The following CCDC137 variants were observed in gnomAD, a reference collection of about 807,000 sequenced individuals.
CCDC137 encodes coiled-coil domain containing 137.
A neutral mutation model predicts 30.4 loss-of-function variants in CCDC137; 24 were observed. The observed-to-expected ratio is 0.79, with a 90% CI of 0.57 to 1.11. CCDC137 has a LOEUF of 1.11. Among genes scored for constraint, CCDC137 ranks in the 50% least tolerant of loss-of-function variants. The probability of loss-of-function intolerance (pLI) is 0.00; values close to 1 mark genes in which losing one functional copy is unlikely to be tolerated. For missense variants in CCDC137, 417 were observed against 380.4 expected, an observed-to-expected ratio of 1.10 and a Z score of -0.80; for synonymous variants, 182 against 155.7, an observed-to-expected ratio of 1.17 and a Z score of -1.26.
At position 81,672,828 on chromosome 17, in the gene CCDC137, A is replaced by G; in HGVS notation, c.*124A>G. On this transcript the variant is annotated 3_prime_UTR_variant, in exon 6 of 6. Coordinates refer to ENST00000329214, the MANE Select transcript of CCDC137 (RefSeq NM_199287.3). ...GTGAGGCCTCCAGCTACTTGTTCAC[A>G]CGTTGGGCACTAGTGGGTCCACATC... The G allele has an allele frequency of 1.1e-6, 1 of 900,006 alleles. No homozygotes were observed. Among genetic ancestry groups the G allele is most frequent in the Admixed American group, 2.8e-5 (1 of 36,284 alleles). 55.8% of individuals were successfully genotyped at this position (900,006 alleles called of 1,614,324 possible).
intron 1 of CCDC137, among the ~76,000 whole-genome samples, chr17:81,667,319 C>CT (rs913039751): frequency 0.014 from 1,711 of 125,628 alleles, 32 homozygotes; most frequent in South Asian, 0.033. Context: ...TAGATAGATT[C>CT]TTTTTTTTTT....
rs201831605 is a variant in CCDC137, at chr17:81,670,454, G to A, written c.497+1G>A. On this transcript the variant is annotated splice_donor_variant, in intron 3 of 5. Transcript: ENST00000329214. LOFTEE classifies it high-confidence loss of function. ...CTGAGCAGAAAAAAGCAAAAAAAGC[G>A]TGAGTGGAGGCGGGAGGGGGAGGGG... 6.4e-5 allele frequency: 103 copies of A among 1,611,304 alleles called. No individual in the cohort carries two copies. The highest frequency in any genetic ancestry group is 7.7e-5 in the Non-Finnish European group (91 of 1,179,170).
At chr17:81,667,684 G>A in intron 1 of CCDC137, 45 bp from the exon 2 acceptor site, 1 of 1,606,700 alleles carries the variant, frequency 6.2e-7, no homozygotes, top group East Asian at 2.2e-5. Flanking sequence ...GATTCTGCTT[G>A]TGCTTTACTT....
At chr17:81,668,183 G>C (rs1456452543) in intron 2 of CCDC137, among the ~76,000 whole-genome samples, 3 of 152,150 alleles carry the variant, frequency 2.0e-5, no homozygotes. Flanking sequence ...GCCAATTCAT[G>C]TTTACTCTAA....
At position 81,673,129 on chromosome 17, in the gene CCDC137, C is replaced by T. The variant is rs999991453; in HGVS notation, c.*425C>T. 9 of 196,552 alleles carry T rather than the reference C, an allele frequency of 4.6e-5. No homozygotes were observed. The highest frequency in any genetic ancestry group is 6.3e-5 in the Non-Finnish European group (6 of 94,638). The allele number at this position is 196,552 out of a possible 1,614,324, so 12.2% of individuals were successfully genotyped here. ...CAGAGCAGGCCACGGGCAGGGACGA[C>T]GCATCGGGACAGGGCTCTGCAGGGG... On this transcript the variant is annotated 3_prime_UTR_variant, in exon 6 of 6. Coordinates refer to ENST00000329214, the MANE Select transcript of CCDC137 (RefSeq NM_199287.3).
At chr17:81,668,219 A>G (rs2036672326) in intron 2 of CCDC137, among the ~76,000 whole-genome samples, 2 of 152,164 alleles carry the variant, frequency 1.3e-5, no homozygotes, top group Admixed American at 1.3e-4. Context: ...CCGAGCGATG[A>G]TGGAGTGAGG....
At chr17:81,668,027 G>C (rs2036667856) in intron 2 of CCDC137, among the ~76,000 whole-genome samples, 165 bp downstream of exon 2, 1 of 152,220 alleles carries the variant, frequency 6.6e-6, no homozygotes, top group Non-Finnish European at 1.5e-5. Context: ...GCAGCTGGTG[G>C]CGCTGTGGTT....
At chr17:81,670,051 C>T (rs889642285) in intron 2 of CCDC137, 174 bp from the exon 3 acceptor site, 7 of 604,108 alleles carry the variant, frequency 1.2e-5, no homozygotes, top group Non-Finnish European at 1.8e-5. Flanking sequence ...TGGGGGGTCA[C>T]GTCCCCGGGG....
In CCDC137 at chr17:81,673,799, C is replaced by T. The variant is rs1215846153; in HGVS notation, c.*1095C>T. ...AGTGAGGAGCGCCTCTGCCCGGCCGCTGTGCAACCTTCCAAGTGTGAAGTG... is the reference window on the plus strand; with the variant it reads ...AGTGAGGAGCGCCTCTGCCCGGCCGTTGTGCAACCTTCCAAGTGTGAAGTG... On this transcript the variant is annotated 3_prime_UTR_variant, in exon 6 of 6. Transcript: ENST00000329214. 1 of 152,296 alleles carries T rather than the reference C, an allele frequency of 6.6e-6. No individual in the cohort carries two copies. The allele number at this position is 152,296 out of a possible 1,614,324, so 9.4% of individuals were successfully genotyped here. A position where few individuals can be genotyped will look rare whatever the true frequency, so the allele number is the denominator to read the frequency against.
intron 5 of CCDC137, 125 bp from the exon 6 acceptor site, chr17:81,672,370 G>C: frequency 1.0e-6 from 1 of 996,982 alleles, no homozygotes. Flanking sequence ...CAACGTGTGC[G>C]CTGTCTGGTG....
chr17:81,671,772 C>G lies in CCDC137; in HGVS notation c.526C>G (p.Arg176Gly), dbSNP rs781772780. 1 of 1,612,298 alleles carries G rather than the reference C, an allele frequency of 6.2e-7. No individual in the cohort carries two copies. Among genetic ancestry groups the G allele is most frequent in the South Asian group, 1.1e-5 (1 of 90,964 alleles). ...CCAGAAGCGGCGACTAGATAAAGTC[C>G]GACGGAAAAAGGAGGAAAAGGCGGC... is the stretch of plus-strand genomic sequence containing the variant. ...AFQKRRLDKV[R>G]RKKEEKAADR... Residue 176 changes from arginine to glycine, a missense_variant, in exon 4 of 6, where the codon CGA (arginine) becomes GGA (glycine). By Grantham distance (125) the Arg-to-Gly change is moderately radical. Coordinates refer to ENST00000329214, the MANE Select transcript of CCDC137 (RefSeq NM_199287.3).
chr17:81,671,667 G>A, intron 3 of CCDC137, 77 bp from the exon 4 acceptor site: 1 of 1,443,242 alleles, frequency 6.9e-7, no homozygotes, highest in Non-Finnish European at 9.7e-7. Flanking sequence ...GATCCCTTGT[G>A]GGTGGGGCGG....
At chr17:81,672,002 G>A (rs1210300642) in intron 4 of CCDC137, 74 bp from the exon 5 acceptor site, 1 of 1,549,846 alleles carries the variant, frequency 6.5e-7, no homozygotes, top group African/African-American at 1.4e-5. Flanking sequence ...AGGGAGGTGG[G>A]CGGGTGGTGG....
intron 3 of CCDC137, among the ~76,000 whole-genome samples, chr17:81,670,710 A>G (rs547699288): frequency 5.2e-4 from 79 of 152,212 alleles, no homozygotes; most frequent in Non-Finnish European, 9.3e-4. Context: ...CAGGAAAAGC[A>G]CCAGAAAGCC....
chr17:81,672,771 A>G lies in CCDC137; in HGVS notation c.*67A>G. ...GCACCAGGAGCTGCTACACCTGGGT[A>G]GGAGAGAGGCAGGCCATGCCAGCAG... On this transcript the variant is annotated 3_prime_UTR_variant, in exon 6 of 6. Transcript: ENST00000329214. The G allele has an allele frequency of 7.1e-7, 1 of 1,418,416 alleles. No homozygotes were observed. Among genetic ancestry groups the G allele is most frequent in the Non-Finnish European group, 9.5e-7 (1 of 1,055,154 alleles). 87.9% of individuals were successfully genotyped at this position (1,418,416 alleles called of 1,614,324 possible).
chr17:81,668,038 C>T (rs1050487886), intron 2 of CCDC137, among the ~76,000 whole-genome samples, 176 bp downstream of exon 2: 4 of 152,132 alleles, frequency 2.6e-5, no homozygotes, highest in African/African-American at 7.2e-5. Flanking sequence ...CGCTGTGGTT[C>T]CAGACGAGGC....
intron 5 of CCDC137, 35 bp from the exon 6 acceptor site, chr17:81,672,460 C>G: frequency 6.5e-7 from 1 of 1,538,728 alleles, no homozygotes; most frequent in Non-Finnish European, 8.8e-7. Flanking sequence ...CCCTCCTTTC[C>G]CAGCCTGTGC....
chr17:81,668,590 A>C (rs1179998544), intron 2 of CCDC137, among the ~76,000 whole-genome samples: 1 of 152,222 alleles, frequency 6.6e-6, no homozygotes, highest in Non-Finnish European at 1.5e-5. Context: ...TGGCTGCCAA[A>C]GGGATAGTGA....
chr17:81,672,223 G>T, intron 5 of CCDC137, 68 bp downstream of exon 5: 1 of 1,497,714 alleles, frequency 6.7e-7, no homozygotes, highest in Non-Finnish European at 9.2e-7. Flanking sequence ...GCCTTGGACA[G>T]GCTGGACACG....
Sources: allele counts gnomAD v4.1 joint callset (sites outside exome capture counted in the v4.1 genomes callset), GRCh38; gene constraint gnomAD v4.1.1; transcripts MANE v1.5; gene names NCBI Gene and HGNC (gene_info 2026-07-23, HGNC 2026-07-21).